The following PALM2AKAP2 variants were observed in gnomAD, a reference collection of about 807,000 sequenced individuals.
PALM2AKAP2 encodes the protein PALM2-AKAP2 fusion protein.
A neutral mutation model predicts 71.5 loss-of-function variants in PALM2AKAP2; 37 were observed. That is an observed-to-expected ratio of 0.52 (90% CI 0.40 to 0.68). PALM2AKAP2 has a LOEUF of 0.68. Ranked by LOEUF, PALM2AKAP2 falls within the 30% of genes least tolerant of loss-of-function variation. The probability of loss-of-function intolerance (pLI) is 0.00; values close to 1 mark genes in which losing one functional copy is unlikely to be tolerated. For synonymous variants in PALM2AKAP2, 468 were observed against 478.8 expected (o/e 0.98, Z 0.29); for missense variants, 1,224 against 1,191.8 (o/e 1.03, Z -0.40).
chr9:109,980,280 A>T (rs2132190938), intron 6 of PALM2AKAP2, among the ~76,000 whole-genome samples: 1 of 152,286 alleles, frequency 6.6e-6, no homozygotes, highest in Non-Finnish European at 1.5e-5. Context: ...TGCTTTCCTC[A>T]GTGAAAGAAT....
chr9:109,702,753 A>T (rs1828081735), intron 1 of PALM2AKAP2, among the ~76,000 whole-genome samples: 2 of 70,128 alleles, frequency 2.9e-5, no homozygotes, highest in South Asian at 7.1e-4. Flanking sequence ...GTATAATAAT[A>T]AAAAAAAAAA....
chr9:109,747,767 T>G (rs1828825385), intron 1 of PALM2AKAP2, among the ~76,000 whole-genome samples: 1 of 152,148 alleles, frequency 6.6e-6, no homozygotes, highest in African/African-American at 2.4e-5. Context: ...CATCCCAGAC[T>G]CAATGGATTC....
intron 1 of PALM2AKAP2, among the ~76,000 whole-genome samples, chr9:109,834,042 G>A (rs1250516161): frequency 8.5e-5 from 13 of 152,210 alleles, no homozygotes; most frequent in South Asian, 2.1e-4. Context: ...GTGAAACCCC[G>A]TCTCTACTAA....
At chr9:109,865,096 C>CTTTTTTTTTTTTTTTTTTTTTTTT (rs58922983) in intron 1 of PALM2AKAP2, among the ~76,000 whole-genome samples, 1 of 75,640 alleles carries the variant, frequency 1.3e-5, no homozygotes, top group Non-Finnish European at 2.3e-5. Flanking sequence ...CTACTCATTC[C>CTTTTTTTTTTTTTTTTTTTTTTTT]TTTTTTTTTT....
At chr9:109,803,434 G>A (rs770868093) in intron 1 of PALM2AKAP2, among the ~76,000 whole-genome samples, 40 of 152,242 alleles carry the variant, frequency 2.6e-4, no homozygotes, top group East Asian at 9.6e-4. Context: ...TTGTCTCATG[G>A]AGCCTCATTT....
rs1386262142 is a variant in PALM2AKAP2, at chr9:110,068,086, TC to T, written c.156+19232del. On this transcript the variant is annotated intron_variant, in intron 1 of 3. Transcript: ENST00000374525. ...AGTTGTATTTGCTTATGTTCCAAAC[TC>T]TTTTTTTTTTTTTTTTTGGTAAGAT... Among the ~76,000 whole-genome samples, 591 of 91,260 alleles carry T rather than the reference TC, an allele frequency of 6.5e-3. 52 individuals are homozygous for T. The highest frequency in any genetic ancestry group is 0.028 in the African/African-American group (550 of 19,522). 59.9% of individuals were successfully genotyped at this position (91,260 alleles called of 152,430 possible).
chr9:109,712,470 T>C (rs1412065983), intron 1 of PALM2AKAP2, among the ~76,000 whole-genome samples: 4 of 152,194 alleles, frequency 2.6e-5, no homozygotes, highest in Non-Finnish European at 5.9e-5. Context: ...AGCTTTCCAA[T>C]GACGTGTTTT....
chr9:110,036,090 C>A (rs112802394), intron 7 of PALM2AKAP2, among the ~76,000 whole-genome samples: 10,579 of 151,924 alleles, frequency 0.07, 384 homozygotes, highest in Middle Eastern at 0.15. Context: ...CCCACCACCA[C>A]GCCCGGCTAG....
intron 3 of PALM2AKAP2, among the ~76,000 whole-genome samples, chr9:109,916,299 A>G (rs1439831292): frequency 6.6e-6 from 1 of 152,244 alleles, no homozygotes; most frequent in African/African-American, 2.4e-5. Flanking sequence ...CCCAGCAGCC[A>G]GCATGCTCTG....
At chr9:110,031,593 A>G (rs942283435) in intron 7 of PALM2AKAP2, among the ~76,000 whole-genome samples, 3 of 152,184 alleles carry the variant, frequency 2.0e-5, no homozygotes, top group Non-Finnish European at 2.9e-5. Context: ...CCACAACCCT[A>G]TGAGGTGGGT....
intron 1 of PALM2AKAP2, among the ~76,000 whole-genome samples, chr9:109,715,979 A>G (rs1316947544): frequency 2.0e-5 from 3 of 152,170 alleles, no homozygotes; most frequent in African/African-American, 7.2e-5. Flanking sequence ...ATTGACTGGA[A>G]CTGGTAGAAC....
chr9:109,676,883 G>A (rs1011895721), intron 1 of PALM2AKAP2, among the ~76,000 whole-genome samples: 1 of 152,200 alleles, frequency 6.6e-6, no homozygotes, highest in African/African-American at 2.4e-5. Context: ...TTAAATAAGA[G>A]TAAGTAAGAT....
At chr9:109,837,210 T>A (rs959377096) in intron 1 of PALM2AKAP2, among the ~76,000 whole-genome samples, 1 of 151,936 alleles carries the variant, frequency 6.6e-6, no homozygotes, top group African/African-American at 2.4e-5. Flanking sequence ...CAGAAGAGAG[T>A]GGGGGCCAAT....
At chr9:109,881,291 C>T (rs1829843541) in intron 3 of PALM2AKAP2, among the ~76,000 whole-genome samples, 1 of 152,154 alleles carries the variant, frequency 6.6e-6, no homozygotes, top group African/African-American at 2.4e-5. Context: ...GCTTCATGGG[C>T]CCACAAGGTG....
At chr9:109,764,338 A>G (rs1047611566) in intron 1 of PALM2AKAP2, among the ~76,000 whole-genome samples, 4 of 145,468 alleles carry the variant, frequency 2.7e-5, no homozygotes, top group African/African-American at 7.4e-5. Flanking sequence ...CTTCTCCAAA[A>G]CAGGGTGTCT....
intron 1 of PALM2AKAP2, among the ~76,000 whole-genome samples, chr9:110,131,251 AG>A (rs1342708658): frequency 3.3e-5 from 5 of 152,162 alleles, no homozygotes; most frequent in African/African-American, 1.2e-4. Context: ...TCGTGGTATT[AG>A]GGCTCTACCT....
intron 1 of PALM2AKAP2, among the ~76,000 whole-genome samples, chr9:109,728,826 C>T (rs1025253427): frequency 4.6e-5 from 7 of 152,134 alleles, no homozygotes; most frequent in Admixed American, 4.6e-4. Context: ...ACACTCACCC[C>T]CTATTTCCTC....
At chr9:109,901,009 A>G (rs1830321105) in intron 3 of PALM2AKAP2, among the ~76,000 whole-genome samples, 1 of 152,224 alleles carries the variant, frequency 6.6e-6, no homozygotes, top group South Asian at 2.1e-4. Context: ...CTACGAAGCC[A>G]TGTTGGGATA....
chr9:109,865,530 T>G (rs73655600), intron 1 of PALM2AKAP2, among the ~76,000 whole-genome samples: 2,089 of 152,206 alleles, frequency 0.014, 44 homozygotes, highest in African/African-American at 0.048. Context: ...GCCTGGTAAG[T>G]TTTCTTCTGC....
Sources: gnomAD v4.1 joint callset for allele counts (sites outside exome capture counted in the v4.1 genomes callset) on GRCh38, gnomAD v4.1.1 for gene constraint, MANE v1.5 for transcripts, NCBI Gene and HGNC (gene_info 2026-07-23, HGNC 2026-07-21) for gene names.